The following MAVS variants were observed in gnomAD, a reference collection of about 807,000 sequenced individuals.
The protein encoded by MAVS is mitochondrial antiviral signaling protein, also known as mitochondrial antiviral-signaling protein.
Under a neutral mutation model 30.2 loss-of-function variants are expected in MAVS, and 20 were observed. That is an observed-to-expected ratio of 0.66 (90% CI 0.47 to 0.96). MAVS has a LOEUF of 0.96. MAVS is among the 40% of genes least tolerant of loss of function. The pLI, the probability that MAVS is intolerant of heterozygous loss-of-function variation, is 0.00. For synonymous variants in MAVS, 278 were observed against 293.9 expected (o/e 0.95, Z 0.55); for missense variants, 624 against 701.1 (o/e 0.89, Z 1.24).
Position 3,871,910 on chromosome 20 carries a change from G to A in MAVS, c.*5763G>A, listed in dbSNP as rs1229147530. On this transcript the variant is annotated 3_prime_UTR_variant, in exon 7 of 7. Coordinates refer to ENST00000428216, the MANE Select transcript of MAVS (RefSeq NM_020746.5). ...GTTACAACTTACTCCATACCTTACT[G>A]TCTGCCAGGCATTAAGCTAAGTGCT... is the stretch of plus-strand genomic sequence containing the variant. 1 of 152,268 alleles carries A rather than the reference G, an allele frequency of 6.6e-6. No individual in the cohort carries two copies. Among genetic ancestry groups the A allele is most frequent in the Non-Finnish European group, 1.5e-5 (1 of 68,026 alleles). 9.4% of individuals were successfully genotyped at this position (152,268 alleles called of 1,614,324 possible).
At chr20:3,854,776 G>C in intron 2 of MAVS, 35 bp downstream of exon 2, 2 of 1,478,044 alleles carry the variant, frequency 1.4e-6, no homozygotes, top group Non-Finnish European at 1.9e-6. Context: ...ACACTGGCCT[G>C]GGGGCAGGGC....
At chr20:3,863,141 G>T (rs570738580) in intron 5 of MAVS, among the ~76,000 whole-genome samples, 1 of 152,170 alleles carries the variant, frequency 6.6e-6, no homozygotes, top group East Asian at 1.9e-4. Flanking sequence ...CTGTCTTACC[G>T]CAGAGATCTC....
Position 3,865,882 on chromosome 20 carries a change from A to C in MAVS, c.1358A>C (p.His453Pro), listed in dbSNP as rs1287513905. The C allele has an allele frequency of 6.2e-7, 1 of 1,613,932 alleles. No homozygotes were observed. Among genetic ancestry groups the C allele is most frequent in the Non-Finnish European group, 8.5e-7 (1 of 1,180,034 alleles). The change falls in exon 7 of 7, where the codon CAT (histidine) becomes CCT (proline). Residue 453 changes from histidine (H) to proline (P), a missense_variant. By Grantham distance (77) the His-to-Pro change is moderately conservative. Coordinates refer to ENST00000428216, the MANE Select transcript of MAVS (RefSeq NM_020746.5). The surrounding 1 kb of genome is among the most constrained non-coding windows in gnomAD (Gnocchi z 4.7). ...ACCTCCTTGGGCATGGGGCCCTGCC[A>C]TGGCCCAGAGGAGAATGAGTATAAG... ...ASTSLGMGPCHGPEENEYKSE... is the reference protein window; with the variant it reads ...ASTSLGMGPCPGPEENEYKSE...
In MAVS at chr20:3,867,312, G is replaced by T. The variant is rs709021; in HGVS notation, c.*1165G>T. 51,843 of 333,512 alleles carry T rather than the reference G, an allele frequency of 0.16. 4,289 individuals are homozygous for T. The highest frequency in any genetic ancestry group is 0.19 in the African/African-American group (8,770 of 46,500). The allele number at this position is 333,512 out of a possible 1,614,324, so 20.7% of individuals were successfully genotyped here. A position where few individuals can be genotyped will look rare whatever the true frequency, so the allele number is the denominator to read the frequency against. ...TTTCCCAGTGTTGTGAAGATTAAAG[G>T]AGTTTATCGATGTAGGTCTTAGGAT... On this transcript the variant is annotated 3_prime_UTR_variant, in exon 7 of 7. Coordinates refer to ENST00000428216, the MANE Select transcript of MAVS (RefSeq NM_020746.5).
chr20:3,874,324 T>C lies in MAVS; in HGVS notation c.*8177T>C. The C allele has an allele frequency of 2.5e-6, 1 of 397,824 alleles. No individual in the cohort carries two copies. Among genetic ancestry groups the C allele is most frequent in the Non-Finnish European group, 4.4e-6 (1 of 225,954 alleles). The allele number at this position is 397,824 out of a possible 1,614,324, so 24.6% of individuals were successfully genotyped here. A position where few individuals can be genotyped will look rare whatever the true frequency, so the allele number is the denominator to read the frequency against. ...GGAGTGCTGGTCTACCTCATCTGGG[T>C]GTTGATTTCACGAGTATTGTCAGTT... is the stretch of plus-strand genomic sequence containing the variant. On this transcript the variant is annotated 3_prime_UTR_variant, in exon 7 of 7. Coordinates refer to ENST00000428216, the MANE Select transcript of MAVS (RefSeq NM_020746.5).
chr20:3,865,762 G>A lies in MAVS; in HGVS notation c.1238G>A (p.Gly413Asp), dbSNP rs1242133829. 2.5e-6 allele frequency: 4 copies of A among 1,613,680 alleles called. No individual in the cohort carries two copies. In the South Asian group the frequency reaches 3.3e-5, roughly 13 times the overall value. The part of the protein sequence containing the change: ...AWLDSSSENR[G>D]LGSELSKPGV... Reference sequence around the variant, plus strand: ...CTAGACAGCAGCTCTGAGAATAGGGGCCTTGGGTCGGAGCTGAGTAAGCCT... The same window carrying A: ...CTAGACAGCAGCTCTGAGAATAGGGACCTTGGGTCGGAGCTGAGTAAGCCT... Residue 413 changes from glycine to aspartate, a missense_variant, in exon 7 of 7, where the codon GGC (glycine) becomes GAC (aspartate). By Grantham distance (94) the Gly-to-Asp change is moderately conservative (BLOSUM62 -1). Transcript: ENST00000428216. This position sits in a 1 kb window ranked among gnomAD's most constrained non-coding sequence, Gnocchi z 4.7.
chr20:3,849,058 G>A (rs932672241), intron 1 of MAVS, among the ~76,000 whole-genome samples: 1 of 152,018 alleles, frequency 6.6e-6, no homozygotes, highest in African/African-American at 2.4e-5. Context: ...ATGTAAATCA[G>A]ATCCTCTTCT....
Position 3,848,382 on chromosome 20 carries a change from A to G in MAVS, c.-68+1479A>G, listed in dbSNP as rs540360682. On this transcript the variant is annotated intron_variant, in intron 1 of 6. Transcript: ENST00000428216. ...CCAAAGTGCTGGGATTCCAGGCGTG[A>G]GCCACCGCGCCCGGCCGAGAAAGGG... Among the ~76,000 whole-genome samples the G allele has an allele frequency of 5.9e-5, 9 of 152,274 alleles. No individual in the cohort carries two copies. In the South Asian group the frequency reaches 6.2e-4, roughly 11 times the overall value.
rs1264387945 is a variant in MAVS at position 3,870,674 on chromosome 20, A to AAATCTAGG, written c.*4529_*4536dup. On this transcript the variant is annotated 3_prime_UTR_variant, in exon 7 of 7. Coordinates refer to ENST00000428216, the MANE Select transcript of MAVS (RefSeq NM_020746.5). ...AAAAAAAAAAAAAAAAAAAAAAAAAAAATCTAGGAGATGCTCTTTACCCTG... is the reference window on the plus strand; with the variant it reads ...AAAAAAAAAAAAAAAAAAAAAAAAAAAATCTAGGAATCTAGGAGATGCTCTTTACCCTG... 11 of 142,316 alleles carry AAATCTAGG rather than the reference A, an allele frequency of 7.7e-5. No individual in the cohort carries two copies. Among genetic ancestry groups the AAATCTAGG allele is most frequent in the Non-Finnish European group, 1.2e-4 (8 of 65,978 alleles). The allele number at this position is 142,316 out of a possible 1,614,324, so 8.8% of individuals were successfully genotyped here. A position where few individuals can be genotyped will look rare whatever the true frequency, so the allele number is the denominator to read the frequency against.
At chr20:3,849,475 G>A (rs762686930) in intron 1 of MAVS, among the ~76,000 whole-genome samples, 7 of 152,196 alleles carry the variant, frequency 4.6e-5, no homozygotes, top group Non-Finnish European at 8.8e-5. Context: ...AAAGTGCTGG[G>A]ATTATAGGCG....
At chr20:3,859,388 A>G (rs528093798) in intron 3 of MAVS, among the ~76,000 whole-genome samples, 25 of 152,032 alleles carry the variant, frequency 1.6e-4, no homozygotes, top group South Asian at 8.3e-4. Context: ...CAAGCCTGTA[A>G]TCCCAGCTAC....
rs574907362 is a variant in MAVS, at chr20:3,871,203, G to C, written c.*5056G>C. The C allele has an allele frequency of 6.5e-6, 1 of 153,944 alleles. No individual in the cohort carries two copies. Among genetic ancestry groups the C allele is most frequent in the Non-Finnish European group, 1.5e-5 (1 of 68,090 alleles). 9.5% of individuals were successfully genotyped at this position (153,944 alleles called of 1,614,324 possible). A position where few individuals can be genotyped will look rare whatever the true frequency, so the allele number is the denominator to read the frequency against. ...GCCACTGTACAGGTTATTTATAGAA[G>C]TTGGAGAGTGAAGGGTTGAGAAAGC... On this transcript the variant is annotated 3_prime_UTR_variant, in exon 7 of 7. Transcript: ENST00000428216.
chr20:3,858,229 T>A (rs1159416484), intron 3 of MAVS, among the ~76,000 whole-genome samples: 1 of 151,676 alleles, frequency 6.6e-6, no homozygotes, highest in Non-Finnish European at 1.5e-5. Flanking sequence ...ACCCTCCCTC[T>A]CTCCTCCTTC....
rs1024899048 is a variant in MAVS, at chr20:3,865,072, C to T, written c.1158+284C>T. 3.3e-5 allele frequency among the ~76,000 whole-genome samples: 5 copies of T among 152,236 alleles called. No individual in the cohort carries two copies. The highest frequency in any genetic ancestry group is 9.6e-5 in the African/African-American group (4 of 41,468). Reference sequence around the variant, plus strand: ...CAGGTGTATAAGTTCATTTAGGGCTCGTAGTTCCTAGTGAAGCCGAGCGGT... The same window carrying T: ...CAGGTGTATAAGTTCATTTAGGGCTTGTAGTTCCTAGTGAAGCCGAGCGGT... On this transcript the variant is annotated intron_variant, in intron 6 of 6. Transcript: ENST00000428216. This position sits in a 1 kb window ranked among gnomAD's most constrained non-coding sequence, Gnocchi z 4.7.
Position 3,868,306 on chromosome 20 carries a change from A to C in MAVS, c.*2159A>C, listed in dbSNP as rs1160753597. On this transcript the variant is annotated 3_prime_UTR_variant, in exon 7 of 7. Coordinates refer to ENST00000428216, the MANE Select transcript of MAVS (RefSeq NM_020746.5). ...GCACAGGTACTAGTTTTATTGTATT[A>C]CCGTTCCAGGGTAGCTTTGAAAAAA... The C allele has an allele frequency of 1.3e-5, 2 of 152,300 alleles. No individual in the cohort carries two copies. The highest frequency in any genetic ancestry group is 4.8e-5 in the African/African-American group (2 of 41,416). The allele number at this position is 152,300 out of a possible 1,614,324, so 9.4% of individuals were successfully genotyped here.
chr20:3,862,979 A>G (rs1382613689), intron 5 of MAVS, among the ~76,000 whole-genome samples: 1 of 152,226 alleles, frequency 6.6e-6, no homozygotes, highest in Admixed American at 6.5e-5. Context: ...TGACAGGCAC[A>G]GTGCAGTGGG....
intron 1 of MAVS, among the ~76,000 whole-genome samples, chr20:3,853,266 C>G (rs1035425472): frequency 1.3e-5 from 2 of 150,388 alleles, no homozygotes; most frequent in Non-Finnish European, 3.0e-5. Context: ...GCGGGCGCAT[C>G]ACGAGGTCAG....
Position 3,854,657 on chromosome 20 carries a change from T to TAA in MAVS, c.34_35insAA (p.Ile12LysfsTer15). 1 of 1,613,914 alleles carries TAA rather than the reference T, an allele frequency of 6.2e-7. No homozygotes were observed. The highest frequency in any genetic ancestry group is 8.5e-7 in the Non-Finnish European group (1 of 1,179,888). ...TTGCTGAAGACAAGACCTATAAGTATATCTGCCGCAATTTCAGCAATTTTT... is the reference window on the plus strand; with the variant it reads ...TTGCTGAAGACAAGACCTATAAGTATAAATCTGCCGCAATTTCAGCAATTTTT... On this transcript the variant is annotated frameshift_variant, in exon 2 of 7. Coordinates refer to ENST00000428216, the MANE Select transcript of MAVS (RefSeq NM_020746.5). LOFTEE classifies it high-confidence loss of function.
Position 3,864,383 on chromosome 20 carries a change from C to A in MAVS, c.753C>A (p.Gly251=), listed in dbSNP as rs375428276. The part of the protein sequence containing the change: ...PGPTGSVVST[G]TSFSSSSPGL... ...CCACAGGGTCAGTTGTATCTACTGG[C>A]ACCTCCTTCTCCTCCTCATCCCCTG... The change falls in exon 6 of 7, where the codon GGC becomes GGA. Residue 251 remains glycine (G), a synonymous_variant. Transcript: ENST00000428216. 1.9e-6 allele frequency: 3 copies of A among 1,614,162 alleles called. No homozygotes were observed. In the African/African-American group the frequency reaches 4.0e-5, roughly 22 times the overall value.
Sources: gnomAD v4.1 joint callset for allele counts (sites outside exome capture counted in the v4.1 genomes callset) on GRCh38, gnomAD v4.1.1 for gene constraint, Gnocchi (gnomAD v3.1) non-coding constraint, MANE v1.5 for transcripts, NCBI Gene and HGNC (gene_info 2026-07-23, HGNC 2026-07-21) for gene names.